Variants in PROM1 observed in about 807,000 individuals in gnomAD.
The protein encoded by PROM1 is prominin 1.
A neutral mutation model predicts 116.9 loss-of-function variants in PROM1; 105 were observed. The observed-to-expected ratio is 0.90, with a 90% CI of 0.77 to 1.06. PROM1 has a LOEUF of 1.06. Ranked by LOEUF, PROM1 falls within the 50% of genes least tolerant of loss-of-function variation. PROM1 has a pLI of 0.00. For missense variants in PROM1, 1,122 were observed against 1,045.2 expected, an observed-to-expected ratio of 1.07 and a Z score of -1.01; for synonymous variants, 393 against 387.0, an observed-to-expected ratio of 1.02 and a Z score of -0.18.
At chr4:16,057,120 G>A (rs1739235973) in intron 2 of PROM1, among the ~76,000 whole-genome samples, 1 of 152,198 alleles carries the variant, frequency 6.6e-6, no homozygotes, top group Admixed American at 6.5e-5. Context: ...AGTTATATTT[G>A]GAATGGCTCT....
intron 10 of PROM1, among the ~76,000 whole-genome samples, chr4:16,013,647 G>T (rs537359005): frequency 5.3e-5 from 8 of 152,280 alleles, no homozygotes; most frequent in African/African-American, 1.9e-4. Context: ...TATACCAGTG[G>T]TTCTCAACTG....
intron 20 of PROM1, among the ~76,000 whole-genome samples, chr4:15,986,835 A>T (rs796685937): frequency 3.3e-5 from 5 of 152,348 alleles, no homozygotes; most frequent in African/African-American, 1.2e-4. Context: ...GGAAGGAGGA[A>T]CATTTAGTTT....
chr4:16,052,952 C>G (rs2149477691), intron 2 of PROM1, among the ~76,000 whole-genome samples: 1 of 152,258 alleles, frequency 6.6e-6, no homozygotes, highest in East Asian at 1.9e-4. Flanking sequence ...ACTGTGATAA[C>G]AGTGAAAGGG....
At chr4:16,064,964 A>G (rs1005609368) in intron 2 of PROM1, among the ~76,000 whole-genome samples, 11 of 152,222 alleles carry the variant, frequency 7.2e-5, no homozygotes, top group African/African-American at 2.7e-4. Flanking sequence ...CTGCATTTAT[A>G]AAAAGCTCCC....
intron 2 of PROM1, chr4:16,055,448 A>G (rs528877389): frequency 3.1e-5 from 14 of 456,096 alleles, no homozygotes; most frequent in Admixed American, 7.1e-5. Flanking sequence ...TTGTGTTCTC[A>G]TCTACAAAAT....
At chr4:16,012,449 A>G (rs996724639) in intron 11 of PROM1, among the ~76,000 whole-genome samples, 4 of 152,226 alleles carry the variant, frequency 2.6e-5, no homozygotes, top group Non-Finnish European at 5.9e-5. Context: ...TCCTCTCTAC[A>G]TTGATTCTGT....
intron 2 of PROM1, among the ~76,000 whole-genome samples, chr4:16,061,149 G>A (rs1740224126): frequency 6.6e-6 from 1 of 152,160 alleles, no homozygotes; most frequent in South Asian, 2.1e-4. Flanking sequence ...CCCTGAAATA[G>A]AAATAGCCAT....
At chr4:16,050,933 T>C (rs1246324868) in intron 2 of PROM1, among the ~76,000 whole-genome samples, 1 of 152,230 alleles carries the variant, frequency 6.6e-6, no homozygotes, top group Non-Finnish European at 1.5e-5. Flanking sequence ...GATGACAAGA[T>C]GCAATCCATG....
intron 8 of PROM1, among the ~76,000 whole-genome samples, chr4:16,022,337 C>G (rs1213536784): frequency 6.6e-6 from 1 of 152,114 alleles, no homozygotes; most frequent in Non-Finnish European, 1.5e-5. Flanking sequence ...CCATCAACAA[C>G]AGAGGATGTT....
intron 5 of PROM1, among the ~76,000 whole-genome samples, chr4:16,030,043 T>C (rs1337603142): frequency 6.6e-6 from 1 of 152,196 alleles, no homozygotes; most frequent in African/African-American, 2.4e-5. Flanking sequence ...TAACTACTCA[T>C]AATAGAGAAA....
At position 16,075,810 on chromosome 4, in the gene PROM1, T is replaced by C. The variant is rs761208782; in HGVS notation, c.97A>G (p.Asn33Asp). The stretch of plus-strand genomic sequence containing the variant: ...TAATTTGTTGCAGGCAATTCATAAT[T>C]CCAAGCCTTAGGAGCATCTGTGGAT... Reference protein sequence around the residue: ...PSSTDAPKAWNYELPATNYET... With the variant: ...PSSTDAPKAWDYELPATNYET... Residue 33 changes from asparagine (N) to aspartate (D), a missense_variant, in exon 2 of 28, where the codon AAT becomes GAT. Coordinates refer to ENST00000447510, the MANE Select transcript of PROM1 (RefSeq NM_006017.3). The C allele has an allele frequency of 5.6e-6, 9 of 1,613,758 alleles. 1 individual carries two copies. The Middle Eastern group carries it at 1.5e-3, about 266-fold the overall frequency.
intron 6 of PROM1, among the ~76,000 whole-genome samples, 183 bp from the exon 7 acceptor site, chr4:16,024,541 C>A (rs2149338143): frequency 6.6e-6 from 1 of 152,322 alleles, no homozygotes; most frequent in East Asian, 1.9e-4. Context: ...ATTTAGGCTG[C>A]TTCCTGCCCA....
At chr4:15,990,725 C>G (rs548136366) in intron 18 of PROM1, among the ~76,000 whole-genome samples, 8 of 152,294 alleles carry the variant, frequency 5.3e-5, no homozygotes, top group Non-Finnish European at 1.0e-4. Context: ...CCCAAAGCAC[C>G]TCTCCCTGTC....
intron 2 of PROM1, among the ~76,000 whole-genome samples, chr4:16,047,716 C>T (rs537722921): frequency 6.6e-6 from 1 of 152,292 alleles, no homozygotes; most frequent in East Asian, 1.9e-4. Flanking sequence ...GCTATTGCTC[C>T]TGCTGGATGG....
In PROM1 at chr4:16,013,326, G is replaced by A. The variant is rs201706973; in HGVS notation, c.1090C>T (p.Leu364Phe). 53 of 1,603,358 alleles carry A rather than the reference G, an allele frequency of 3.3e-5. No homozygotes were observed. The highest frequency in any genetic ancestry group is 4.3e-5 in the Non-Finnish European group (50 of 1,170,262). Residue 364 changes from leucine (L) to phenylalanine (F), a missense_variant, in exon 11 of 28, where the codon CTT (leucine) becomes TTT (phenylalanine). Transcript: ENST00000447510. Reference sequence around the variant, plus strand: ...TGTACTCTGTCAGGTATATCATTAAGGGATTGATAGCCCTGAAAAATATTT... The same window carrying A: ...TGTACTCTGTCAGGTATATCATTAAAGGATTGATAGCCCTGAAAAATATTT... ...DGLVQQGYQSLNDIPDRVQRQ... is the reference protein window; with the variant it reads ...DGLVQQGYQSFNDIPDRVQRQ...
At chr4:16,022,271 T>C (rs753769483) in intron 8 of PROM1, among the ~76,000 whole-genome samples, 1 of 152,238 alleles carries the variant, frequency 6.6e-6, no homozygotes, top group Non-Finnish European at 1.5e-5. Flanking sequence ...TCCGTTTCCT[T>C]GCCTGGAAAG....
At chr4:16,049,993 T>C (rs1737473500) in intron 2 of PROM1, among the ~76,000 whole-genome samples, 1 of 152,094 alleles carries the variant, frequency 6.6e-6, no homozygotes, top group South Asian at 2.1e-4. Flanking sequence ...CAGGGCGCGG[T>C]GGCTCACACT....
intron 18 of PROM1, among the ~76,000 whole-genome samples, chr4:15,990,863 C>T (rs2058147): frequency 0.95 from 144,451 of 152,354 alleles, 68,575 homozygotes; most frequent in Middle Eastern, 0.99. Context: ...CCATTGAAAG[C>T]GGTTATAAAT....
At chr4:16,022,460 C>T (rs1054782294) in intron 8 of PROM1, among the ~76,000 whole-genome samples, 2 of 152,228 alleles carry the variant, frequency 1.3e-5, no homozygotes, top group Admixed American at 1.3e-4. Flanking sequence ...ATCTTAACAA[C>T]TCCTGGCCTG....
Sources: gnomAD v4.1 joint callset for allele counts (sites outside exome capture counted in the v4.1 genomes callset) on GRCh38, gnomAD v4.1.1 for gene constraint, MANE v1.5 for transcripts, NCBI Gene and HGNC (gene_info 2026-07-23, HGNC 2026-07-21) for gene names.